Variants in MYO5C observed in about 807,000 individuals in gnomAD.
The protein encoded by MYO5C is unconventional myosin-Vc.
In MYO5C, 194 loss-of-function variants were observed where a neutral mutation model predicts 235.7. The observed-to-expected ratio is 0.82, with a 90% confidence interval of 0.73 to 0.93. The LOEUF (loss-of-function observed/expected upper bound fraction) is 0.93, where lower values mean the gene tolerates loss of function less well. Among genes scored for constraint, MYO5C ranks in the 40% least tolerant of loss-of-function variants. The pLI, the probability that MYO5C is intolerant of heterozygous loss-of-function variation, is 0.00. For missense variants in MYO5C, 2,038 were observed against 2,127.2 expected, an observed-to-expected ratio of 0.96 and a Z score of 0.82; for synonymous variants, 707 against 754.8, an observed-to-expected ratio of 0.94 and a Z score of 1.04.
chr15:52,230,357 TGAGA>T (rs952202572), intron 24 of MYO5C, among the ~76,000 whole-genome samples: 2 of 152,172 alleles, frequency 1.3e-5, no homozygotes, highest in Non-Finnish European at 2.9e-5. Context: ...GGAAAAACTC[TGAGA>T]AAGAGAGCCA....
In MYO5C at chr15:52,214,602, C is replaced by T. The variant is rs754599176; in HGVS notation, c.4042+1G>A. The T allele has an allele frequency of 3.1e-6, 5 of 1,593,012 alleles. No individual in the cohort carries two copies. The highest frequency in any genetic ancestry group is 4.3e-6 in the Non-Finnish European group (5 of 1,168,640). ...ATAAGAAAACAAGTATTGTTTCTTA[C>T]CTTTTCCAATTGTCTTGCTTAGTGT... On this transcript the variant is annotated splice_donor_variant, in intron 33 of 40. Coordinates refer to ENST00000261839, the MANE Select transcript of MYO5C (RefSeq NM_018728.4). LOFTEE classifies it high-confidence loss of function.
At chr15:52,285,430 T>C in intron 1 of MYO5C, among the ~76,000 whole-genome samples, 1 of 109,732 alleles carries the variant, frequency 9.1e-6, no homozygotes, top group Admixed American at 8.1e-5. Context: ...CCTCTCCCTC[T>C]CCCTCTCCCT....
intron 38 of MYO5C, among the ~76,000 whole-genome samples, chr15:52,199,329 TGGTG>T (rs2035130133): frequency 1.3e-5 from 2 of 152,298 alleles, no homozygotes; most frequent in African/African-American, 4.8e-5. Flanking sequence ...CAAAGATGTG[TGGTG>T]GGTTTCCAGT....
chr15:52,235,553 G>T (rs894590786), intron 23 of MYO5C, 117 bp downstream of exon 23: 1 of 661,938 alleles, frequency 1.5e-6, no homozygotes, highest in Non-Finnish European at 2.5e-6. Context: ...AGCAAAAATT[G>T]CCTCACTAAA....
intron 18 of MYO5C, among the ~76,000 whole-genome samples, chr15:52,245,077 TG>T (rs2141324782): frequency 6.6e-6 from 1 of 152,348 alleles, no homozygotes; most frequent in African/African-American, 2.4e-5. Context: ...CCTATAAGCC[TG>T]GTCCACAGAG....
chr15:52,269,530 C>A (rs1459194802), intron 8 of MYO5C, among the ~76,000 whole-genome samples: 2 of 150,960 alleles, frequency 1.3e-5, no homozygotes, highest in African/African-American at 4.9e-5. Context: ...GTAGCTGGGA[C>A]TACAGGCACC....
chr15:52,247,453 A>G lies in MYO5C; in HGVS notation c.1881+5T>C, dbSNP rs762213915. 5.6e-6 allele frequency: 9 copies of G among 1,613,936 alleles called. No homozygotes were observed. The highest frequency in any genetic ancestry group is 5.0e-5 in the Admixed American group (3 of 60,000). ...ACCCCTCACTCTCAAACACCTTCTC[A>G]GTACCTTGCTCCCAACTGTGGTCCG... On this transcript the variant is annotated splice_donor_5th_base_variant and intron_variant, in intron 15 of 40. Transcript: ENST00000261839.
At chr15:52,286,222 G>C (rs995609065) in intron 1 of MYO5C, among the ~76,000 whole-genome samples, 4 of 150,802 alleles carry the variant, frequency 2.7e-5, no homozygotes, top group South Asian at 2.1e-4. Context: ...GGAGGGAGGT[G>C]GGGGGTCAGC....
intron 38 of MYO5C, among the ~76,000 whole-genome samples, chr15:52,199,674 C>A (rs1374697197): frequency 6.6e-6 from 1 of 152,138 alleles, no homozygotes; most frequent in Non-Finnish European, 1.5e-5. Context: ...TACCTTTTCC[C>A]TCTCCTTTTT....
At chr15:52,196,254 C>T in intron 39 of MYO5C, 55 bp downstream of exon 39, 1 of 1,508,432 alleles carries the variant, frequency 6.6e-7, no homozygotes, top group South Asian at 1.3e-5. Flanking sequence ...AGGCAATGCC[C>T]ACTGCACTGA....
intron 13 of MYO5C, 54 bp downstream of exon 13, chr15:52,251,336 T>G: frequency 2.6e-6 from 4 of 1,515,518 alleles, no homozygotes; most frequent in Non-Finnish European, 3.6e-6. Context: ...CTACTCCTTC[T>G]GGAGGCTGTA....
At chr15:52,271,672 A>C in intron 7 of MYO5C, 91 bp downstream of exon 7, 1 of 729,070 alleles carries the variant, frequency 1.4e-6, no homozygotes. Flanking sequence ...GCAAATACTT[A>C]AAACAAATAT....
chr15:52,207,952 G>C (rs2035358251), intron 36 of MYO5C, among the ~76,000 whole-genome samples: 1 of 152,176 alleles, frequency 6.6e-6, no homozygotes, highest in Non-Finnish European at 1.5e-5. Flanking sequence ...CACTGGTAAA[G>C]GATAAAAATG....
At chr15:52,247,294 AAGTATGAC>A (rs2036370486) in intron 15 of MYO5C, among the ~76,000 whole-genome samples, 156 bp downstream of exon 15, 1 of 152,162 alleles carries the variant, frequency 6.6e-6, no homozygotes. Flanking sequence ...TTGGAGGTGG[AAGTATGAC>A]GACGATGAAC....
intron 39 of MYO5C, among the ~76,000 whole-genome samples, chr15:52,195,772 C>T (rs2035033966): frequency 6.6e-6 from 1 of 151,796 alleles, no homozygotes; most frequent in Admixed American, 6.6e-5. Context: ...GCATCATAGA[C>T]ATTTGTGTAT....
chr15:52,234,095 A>T (rs758333556), intron 23 of MYO5C, among the ~76,000 whole-genome samples: 2 of 152,268 alleles, frequency 1.3e-5, no homozygotes, highest in African/African-American at 4.8e-5. Flanking sequence ...AACCAAAAGC[A>T]TTGGCTTTAA....
At chr15:52,270,377 C>G (rs1034095227) in intron 7 of MYO5C, among the ~76,000 whole-genome samples, 2 of 152,152 alleles carry the variant, frequency 1.3e-5, no homozygotes, top group African/African-American at 4.8e-5. Context: ...TAGCTGATGG[C>G]ACACAAGAAT....
chr15:52,274,514 A>G (rs181667100), intron 5 of MYO5C, among the ~76,000 whole-genome samples: 1 of 152,230 alleles, frequency 6.6e-6, no homozygotes. Context: ...TCTGAGCTCA[A>G]GCAATCCACC....
Position 52,237,469 on chromosome 15 carries a change from G to GC in MYO5C, c.2868+12dup. The GC allele has an allele frequency of 6.2e-7, 1 of 1,611,324 alleles. No individual in the cohort carries two copies. The highest frequency in any genetic ancestry group is 8.5e-7 in the Non-Finnish European group (1 of 1,178,572). ...CGCATATTTCCATCCCGTCTCACAC[G>GC]CCCGCAGCTGACCTCTTCCACAGCA... On this transcript the variant is annotated intron_variant, in intron 22 of 40. Transcript: ENST00000261839.
Sources: allele counts gnomAD v4.1 joint callset (sites outside exome capture counted in the v4.1 genomes callset), GRCh38; gene constraint gnomAD v4.1.1; transcripts MANE v1.5; gene names NCBI Gene and HGNC (gene_info 2026-07-23, HGNC 2026-07-21).